The following GTF2IRD1 variants were observed in gnomAD, a reference collection of about 807,000 sequenced individuals.
GTF2IRD1 encodes the protein GTF2I repeat domain containing 1.
A neutral mutation model predicts 113.2 loss-of-function variants in GTF2IRD1; 26 were observed. The ratio of observed to expected loss-of-function variants is 0.23; its 90% CI spans 0.17 to 0.32. The LOEUF (loss-of-function observed/expected upper bound fraction) is 0.32, where lower values mean the gene tolerates loss of function less well. Among genes scored for constraint, GTF2IRD1 ranks in the 10% least tolerant of loss-of-function variants. The probability of loss-of-function intolerance (pLI) is 1.00; values close to 1 mark genes in which losing one functional copy is unlikely to be tolerated. For synonymous variants in GTF2IRD1, 484 were observed against 529.1 expected (o/e 0.91, Z 1.17); for missense variants, 864 against 1,280.8 (o/e 0.67, Z 4.97).
chr7:74,548,167 C>T (rs1249325036), intron 17 of GTF2IRD1, among the ~76,000 whole-genome samples: 1 of 152,112 alleles, frequency 6.6e-6, no homozygotes, highest in Non-Finnish European at 1.5e-5. Flanking sequence ...CCTGTAATCC[C>T]AGCACTTTGG....
chr7:74,535,575 G>A (rs1225359974), intron 10 of GTF2IRD1, among the ~76,000 whole-genome samples: 2 of 152,248 alleles, frequency 1.3e-5, no homozygotes, highest in Non-Finnish European at 2.9e-5. Flanking sequence ...TGACTCCAGA[G>A]CCCATGCAGT....
In GTF2IRD1 at chr7:74,535,233, G is replaced by A. The variant is rs587740325; in HGVS notation, c.1300+95G>A. 1.9e-4 allele frequency: 179 copies of A among 955,458 alleles called. No individual in the cohort carries two copies. In the African/African-American group the frequency reaches 2.1e-3, roughly 11 times the overall value. 59.2% of individuals were successfully genotyped at this position (955,458 alleles called of 1,614,324 possible). On this transcript the variant is annotated intron_variant, in intron 10 of 26. Coordinates refer to ENST00000424337, the MANE Select transcript of GTF2IRD1 (RefSeq NM_005685.4). ...CACCCTGGACTTGGTCCTCCTGAGCGCCTCCCCTCAGGCAGGGAGGGAGGC... is the reference window on the plus strand; with the variant it reads ...CACCCTGGACTTGGTCCTCCTGAGCACCTCCCCTCAGGCAGGGAGGGAGGC...
At chr7:74,458,861 G>A (rs1428179587) in intron 1 of GTF2IRD1, among the ~76,000 whole-genome samples, 5 of 44,040 alleles carry the variant, frequency 1.1e-4, no homozygotes, top group African/African-American at 9.9e-4. Context: ...CACCATGTTC[G>A]CCAGGCTGGT....
At chr7:74,510,475 T>C (rs542804460) in intron 2 of GTF2IRD1, among the ~76,000 whole-genome samples, 2 of 151,488 alleles carry the variant, frequency 1.3e-5, no homozygotes, top group South Asian at 4.2e-4. Context: ...CCTGGCTAAT[T>C]TTTTTGTATT....
At chr7:74,479,019 AC>A (rs1200985841) in intron 1 of GTF2IRD1, among the ~76,000 whole-genome samples, 1 of 150,192 alleles carries the variant, frequency 6.7e-6, no homozygotes. Flanking sequence ...CTCCCTTGGG[AC>A]CCCCCGTCGC....
chr7:74,478,315 A>C (rs1370104090), intron 1 of GTF2IRD1, among the ~76,000 whole-genome samples: 1 of 152,178 alleles, frequency 6.6e-6, no homozygotes, highest in Non-Finnish European at 1.5e-5. Flanking sequence ...CACTGCTGTT[A>C]AGTGAGCGGG....
At chr7:74,507,116 G>T (rs10265081) in intron 1 of GTF2IRD1, 11,674 of 152,252 alleles carry the variant, frequency 0.077, 1,386 homozygotes, top group African/African-American at 0.26. Context: ...GACATCACCG[G>T]CTCCTGACCC....
chr7:74,492,290 C>T (rs1401982612), intron 1 of GTF2IRD1, among the ~76,000 whole-genome samples: 3 of 152,020 alleles, frequency 2.0e-5, no homozygotes, highest in Non-Finnish European at 4.4e-5. Context: ...CCTCCCTCAG[C>T]CTCCCGAGTA....
chr7:74,518,667 G>A (rs1351303110), intron 5 of GTF2IRD1, among the ~76,000 whole-genome samples: 1 of 152,008 alleles, frequency 6.6e-6, no homozygotes, highest in Non-Finnish European at 1.5e-5. Context: ...ATCACTTGAG[G>A]CCAGGAGTTC....
chr7:74,558,093 G>A (rs1799708939), intron 20 of GTF2IRD1, among the ~76,000 whole-genome samples: 2 of 151,872 alleles, frequency 1.3e-5, no homozygotes, highest in Admixed American at 1.3e-4. Flanking sequence ...GGGCAACATG[G>A]CAAAACCCCA....
chr7:74,463,198 C>T (rs1054478794), intron 1 of GTF2IRD1, among the ~76,000 whole-genome samples: 2 of 152,102 alleles, frequency 1.3e-5, no homozygotes, highest in African/African-American at 2.4e-5. Context: ...CAGGGCTGGC[C>T]GAGTGATGTC....
At chr7:74,554,850 T>C (rs1473073259) in intron 17 of GTF2IRD1, among the ~76,000 whole-genome samples, 6 of 152,164 alleles carry the variant, frequency 3.9e-5, no homozygotes, top group African/African-American at 1.4e-4. Context: ...GTTTCTACAC[T>C]TTAAACCAGC....
At chr7:74,531,244 G>A (rs1583809495) in intron 9 of GTF2IRD1, among the ~76,000 whole-genome samples, 1 of 151,616 alleles carries the variant, frequency 6.6e-6, no homozygotes. Context: ...GGTGGCGCAC[G>A]CCTGTAGTCC....
intron 1 of GTF2IRD1, among the ~76,000 whole-genome samples, chr7:74,473,463 C>T (rs1430636151): frequency 1.3e-5 from 2 of 151,010 alleles, no homozygotes; most frequent in Non-Finnish European, 2.9e-5. Context: ...CTTCCTCTGT[C>T]GCCCAAGCTG....
intron 2 of GTF2IRD1, 87 bp downstream of exon 2, chr7:74,508,290 A>C: frequency 1.4e-6 from 2 of 1,442,494 alleles, no homozygotes; most frequent in East Asian, 2.3e-5. Context: ...AGCTACTCGA[A>C]GGAGCTTTCA....
chr7:74,530,644 C>A (rs1797912776), intron 9 of GTF2IRD1, among the ~76,000 whole-genome samples: 1 of 149,252 alleles, frequency 6.7e-6, no homozygotes, highest in Non-Finnish European at 1.5e-5. Context: ...CAATGATGGC[C>A]CCCCCGACCC....
Position 74,529,900 on chromosome 7 carries a change from C to T in GTF2IRD1, c.1257C>T (p.Ile419=). 1 of 1,613,498 alleles carries T rather than the reference C, an allele frequency of 6.2e-7. No homozygotes were observed. The highest frequency in any genetic ancestry group is 8.5e-7 in the Non-Finnish European group (1 of 1,179,666). The change falls in exon 9 of 27, where the codon ATC becomes ATT. Residue 419 remains isoleucine, a synonymous_variant. Transcript: ENST00000424337. ...GGATCCTGGAGGAGCGCCATAGTAT[C>T]CACTTCATCATTAAGAGGTGCGGGT... ...LKRILEERHS[I]HFIIKRMFDE...
intron 1 of GTF2IRD1, among the ~76,000 whole-genome samples, chr7:74,491,471 C>G (rs1430495856): frequency 2.6e-5 from 4 of 151,132 alleles, no homozygotes; most frequent in African/African-American, 9.8e-5. Context: ...GATCTTCTCC[C>G]TCCTCCCACC....
chr7:74,478,505 G>T, intron 1 of GTF2IRD1, among the ~76,000 whole-genome samples: 1 of 152,156 alleles, frequency 6.6e-6, no homozygotes, highest in East Asian at 1.9e-4. Context: ...ACCCAGGCTG[G>T]AGTGCAGTGG....
Sources: gnomAD v4.1 joint callset for allele counts (sites outside exome capture counted in the v4.1 genomes callset) on GRCh38, gnomAD v4.1.1 for gene constraint, MANE v1.5 for transcripts, NCBI Gene and HGNC (gene_info 2026-07-23, HGNC 2026-07-21) for gene names.